Variants in SPPL3 observed in about 807,000 individuals in gnomAD.
The protein encoded by SPPL3 is signal peptide peptidase like 3.
In SPPL3, 5 loss-of-function variants were observed where a neutral mutation model predicts 42.4. The ratio of observed to expected loss-of-function variants is 0.12; its 90% CI spans 0.06 to 0.25. The LOEUF (loss-of-function observed/expected upper bound fraction) is 0.25, where lower values mean the gene tolerates loss of function less well. Ranked by LOEUF, SPPL3 falls within the 10% of genes least tolerant of loss-of-function variation. The pLI is 1.00. For synonymous variants in SPPL3, 195 were observed against 181.8 expected, an observed-to-expected ratio of 1.07 and a Z score of -0.58; for missense variants, 235 against 489.0, an observed-to-expected ratio of 0.48 and a Z score of 4.90.
At chr12:120,901,251 C>T (rs1234013695) in intron 1 of SPPL3, among the ~76,000 whole-genome samples, 1 of 151,998 alleles carries the variant, frequency 6.6e-6, no homozygotes, top group Non-Finnish European at 1.5e-5. Context: ...GTGTATAGTT[C>T]CTTATTTTAT....
At position 120,762,974 on chromosome 12, in the gene SPPL3, G is replaced by C. The variant is rs1868724049; in HGVS notation, c.*2025C>G. 6.6e-6 allele frequency: 1 copy of C among 152,224 alleles called. No homozygotes were observed. Among genetic ancestry groups the C allele is most frequent in the South Asian group, 2.1e-4 (1 of 4,834 alleles). The allele number at this position is 152,224 out of a possible 1,614,324, so 9.4% of individuals were successfully genotyped here. On this transcript the variant is annotated 3_prime_UTR_variant, in exon 11 of 11. Coordinates refer to ENST00000353487, the MANE Select transcript of SPPL3 (RefSeq NM_139015.5). ...TCTGGGCCTGCTTAATTAGCTATAT[G>C]CATCCTCGAGGGCTGAGAAGGAAGG...
rs907189133 is a variant in SPPL3 at position 120,764,424 on chromosome 12, G to GT, written c.*574dup. ...TACAACAAATTCTTATGTGGATGTTGTAAGAAGTCACTCAATGTCTGTGGA... is the reference window on the plus strand; with the variant it reads ...TACAACAAATTCTTATGTGGATGTTGTTAAGAAGTCACTCAATGTCTGTGGA... On this transcript the variant is annotated 3_prime_UTR_variant, in exon 11 of 11. Coordinates refer to ENST00000353487, the MANE Select transcript of SPPL3 (RefSeq NM_139015.5). 3.9e-5 allele frequency: 6 copies of GT among 153,990 alleles called. No individual in the cohort carries two copies. The highest frequency in any genetic ancestry group is 1.9e-4 in the East Asian group (1 of 5,242). The allele number at this position is 153,990 out of a possible 1,614,324, so 9.5% of individuals were successfully genotyped here.
chr12:120,811,166 C>T (rs1480982911), intron 1 of SPPL3: 8 of 241,112 alleles, frequency 3.3e-5, no homozygotes, highest in Admixed American at 5.5e-5. Context: ...TTACAACATC[C>T]ACCCCCAATT....
intron 10 of SPPL3, among the ~76,000 whole-genome samples, 163 bp downstream of exon 10, chr12:120,766,100 G>GCGCACACACACACA (rs1186435935): frequency 3.6e-5 from 3 of 84,058 alleles, no homozygotes; most frequent in African/African-American, 1.3e-4. Flanking sequence ...GCGCGCGCGC[G>GCGCACACACACACA]CACACACACA....
At chr12:120,868,132 T>C (rs1872811468) in intron 1 of SPPL3, among the ~76,000 whole-genome samples, 1 of 152,152 alleles carries the variant, frequency 6.6e-6, no homozygotes, top group Non-Finnish European at 1.5e-5. Flanking sequence ...GGTGTGTACC[T>C]ATAATCCCAG....
At chr12:120,842,461 A>G (rs781545252) in intron 1 of SPPL3, among the ~76,000 whole-genome samples, 3 of 152,208 alleles carry the variant, frequency 2.0e-5, no homozygotes, top group African/African-American at 4.8e-5. Context: ...TTATTTTTCA[A>G]TAATAGTAGA....
intron 1 of SPPL3, among the ~76,000 whole-genome samples, chr12:120,843,253 T>C (rs1489738040): frequency 1.3e-5 from 2 of 152,216 alleles, no homozygotes; most frequent in Admixed American, 6.5e-5. Flanking sequence ...CATTCTGTCT[T>C]AGAAAACACA....
intron 1 of SPPL3, among the ~76,000 whole-genome samples, chr12:120,877,781 T>TTA (rs771311663): frequency 3.1e-5 from 4 of 130,142 alleles, no homozygotes; most frequent in Admixed American, 2.4e-4. Context: ...AACTCCGTCT[T>TTA]AAAAAAAAAA....
In SPPL3 at chr12:120,904,027, G is replaced by A; in HGVS notation, c.-160C>T. ...CGGCGGGCCGGGAAGGCGGCTGGCG[G>A]GGAGAGGCCGGGCTCCGAAGCGGCC... On this transcript the variant is annotated 5_prime_UTR_variant, in exon 1 of 11. Coordinates refer to ENST00000353487, the MANE Select transcript of SPPL3 (RefSeq NM_139015.5). The A allele has an allele frequency of 2.0e-6, 1 of 506,222 alleles. No homozygotes were observed. The highest frequency in any genetic ancestry group is 3.0e-6 in the Non-Finnish European group (1 of 336,664). 31.4% of individuals were successfully genotyped at this position (506,222 alleles called of 1,614,324 possible). A position where few individuals can be genotyped will look rare whatever the true frequency, so the allele number is the denominator to read the frequency against.
chr12:120,777,501 C>T (rs899081935), intron 6 of SPPL3, among the ~76,000 whole-genome samples: 8 of 152,124 alleles, frequency 5.3e-5, no homozygotes, highest in East Asian at 1.9e-4. Context: ...TGCTACTCTC[C>T]GGAAAAGTCT....
chr12:120,889,906 G>C (rs1424850466), intron 1 of SPPL3, among the ~76,000 whole-genome samples: 1 of 152,122 alleles, frequency 6.6e-6, no homozygotes, highest in Non-Finnish European at 1.5e-5. Context: ...ACTGAGGACT[G>C]ATAGCAATTT....
At chr12:120,771,177 C>G (rs996586069) in intron 6 of SPPL3, among the ~76,000 whole-genome samples, 16 of 152,176 alleles carry the variant, frequency 1.1e-4, no homozygotes, top group Admixed American at 3.9e-4. Flanking sequence ...TTTATGGGGC[C>G]CCTAGCTCAA....
chr12:120,894,371 A>T (rs1336386951), intron 1 of SPPL3, among the ~76,000 whole-genome samples: 1 of 152,220 alleles, frequency 6.6e-6, no homozygotes, highest in Non-Finnish European at 1.5e-5. Context: ...TCATAAGTTT[A>T]TAAAGTCAGA....
chr12:120,802,547 C>G (rs1870350098), intron 2 of SPPL3, among the ~76,000 whole-genome samples: 1 of 151,192 alleles, frequency 6.6e-6, no homozygotes, highest in Non-Finnish European at 1.5e-5. Flanking sequence ...GATTCTCCTG[C>G]CTCAGCCTCC....
chr12:120,903,597 T>C (rs1195422987), intron 1 of SPPL3: 4 of 464,112 alleles, frequency 8.6e-6, no homozygotes, highest in African/African-American at 2.1e-5. Flanking sequence ...GCTCCGCCCA[T>C]AGCCAGATGA....
chr12:120,784,685 C>G (rs1377901009), intron 3 of SPPL3, 92 bp from the exon 4 acceptor site: 3 of 989,418 alleles, frequency 3.0e-6, no homozygotes, highest in Non-Finnish European at 4.4e-6. Flanking sequence ...AAAATGCAGA[C>G]AGTTCTACGG....
At chr12:120,815,384 G>A (rs1870833383) in intron 1 of SPPL3, among the ~76,000 whole-genome samples, 1 of 152,158 alleles carries the variant, frequency 6.6e-6, no homozygotes, top group Non-Finnish European at 1.5e-5. Flanking sequence ...ATTAAAGTGA[G>A]ATTGAGCAGC....
At chr12:120,799,215 T>C (rs1205864589) in intron 2 of SPPL3, among the ~76,000 whole-genome samples, 1 of 152,186 alleles carries the variant, frequency 6.6e-6, no homozygotes, top group Non-Finnish European at 1.5e-5. Flanking sequence ...TCAGAACACG[T>C]ACATTAGCCT....
chr12:120,828,053 G>A (rs141350625), intron 1 of SPPL3, among the ~76,000 whole-genome samples: 1 of 152,294 alleles, frequency 6.6e-6, no homozygotes, highest in East Asian at 1.9e-4. Context: ...CTCCCAAAGT[G>A]TTGGGATTAC....
Sources: gnomAD v4.1 joint callset for allele counts (sites outside exome capture counted in the v4.1 genomes callset) on GRCh38, gnomAD v4.1.1 for gene constraint, MANE v1.5 for transcripts, NCBI Gene and HGNC (gene_info 2026-07-23, HGNC 2026-07-21) for gene names.